Variants in MDGA2 observed in about 807,000 individuals in gnomAD.
MDGA2 encodes the protein MAM domain-containing glycosylphosphatidylinositol anchor protein 2.
Under a neutral mutation model 117.8 loss-of-function variants are expected in MDGA2, and 40 were observed. The ratio of observed to expected loss-of-function variants is 0.34; its 90% confidence interval spans 0.26 to 0.44. The LOEUF is 0.44. Among genes scored for constraint, MDGA2 ranks in the 20% least tolerant of loss-of-function variants. The pLI is 1.00. For missense variants in MDGA2, 1,123 were observed against 1,250.6 expected (o/e 0.90, Z 1.54); for synonymous variants, 452 against 439.0 (o/e 1.03, Z -0.37).
At chr14:46,974,562 A>G (rs1886384108) in intron 8 of MDGA2, among the ~76,000 whole-genome samples, 1 of 152,172 alleles carries the variant, frequency 6.6e-6, no homozygotes, top group Admixed American at 6.6e-5. Context: ...GAGAACCCAG[A>G]AGTACCCCTT....
rs549658111 is a variant in MDGA2, at chr14:47,444,866, G to C, written c.281-143316C>G. ...AAACCTTACTTTTCTCAAGTTTAAA[G>C]GGAGGAGTTGTACATTGAAATCTTC... is the stretch of plus-strand genomic sequence containing the variant. On this transcript the variant is annotated intron_variant, in intron 1 of 16. Transcript: ENST00000399232. 2.2e-4 allele frequency among the ~76,000 whole-genome samples: 34 copies of C among 152,242 alleles called. No homozygotes were observed. In the South Asian group the frequency reaches 6.4e-3, roughly 29 times the overall value.
intron 14 of MDGA2, among the ~76,000 whole-genome samples, chr14:46,866,187 A>G (rs1881751438): frequency 1.3e-5 from 2 of 152,110 alleles, no homozygotes; most frequent in South Asian, 4.1e-4. Flanking sequence ...CTGGTACCAA[A>G]ACAGAGATAT....
intron 3 of MDGA2, among the ~76,000 whole-genome samples, chr14:47,171,567 G>C (rs928131431): frequency 2.0e-5 from 3 of 152,278 alleles, no homozygotes; most frequent in Middle Eastern, 3.4e-3. Flanking sequence ...TCAAAGGGAA[G>C]TAGTTTCTTT....
intron 1 of MDGA2, among the ~76,000 whole-genome samples, chr14:47,416,555 C>T (rs542059323): frequency 6.6e-5 from 10 of 152,178 alleles, no homozygotes; most frequent in African/African-American, 2.4e-4. Flanking sequence ...AAAGTGCCCA[C>T]ATCCCCATGA....
chr14:46,982,734 A>AAAAAAAAAAAAAAAAAAAAAAAAAAAAT (rs1449356596), intron 8 of MDGA2, among the ~76,000 whole-genome samples: 1 of 130,406 alleles, frequency 7.7e-6, no homozygotes, highest in Non-Finnish European at 1.7e-5. Flanking sequence ...AAAAAAAAAA[A>AAAAAAAAAAAAAAAAAAAAAAAAAAAAT]AATCATGTCA....
intron 2 of MDGA2, among the ~76,000 whole-genome samples, chr14:47,278,449 T>G (rs1292410310): frequency 6.6e-6 from 1 of 152,040 alleles, no homozygotes; most frequent in African/African-American, 2.4e-5. Context: ...AGGTCCTCTG[T>G]GTTTTCAGCG....
Position 47,674,649 on chromosome 14 carries a change from C to G in MDGA2, c.148G>C (p.Gly50Arg), listed in dbSNP as rs78711719. Residue 50 changes from glycine (G) to arginine (R), a missense_variant, in exon 1 of 17, where the codon GGC becomes CGC. Transcript: ENST00000399232. ...ARVERAWLAA[G>R]LLKVPLRTPW... Reference sequence around the variant, plus strand: ...GTACGCAACGGGACCTTCAGGAGGCCGGCGGCCAGCCAGGCGCGCTCCACT... The same window carrying G: ...GTACGCAACGGGACCTTCAGGAGGCGGGCGGCCAGCCAGGCGCGCTCCACT... 1 of 1,488,890 alleles carries G rather than the reference C, an allele frequency of 6.7e-7. No individual in the cohort carries two copies. The allele number at this position is 1,488,890 out of a possible 1,614,324, so 92.2% of individuals were successfully genotyped here.
chr14:46,974,917 C>A (rs1406690373), intron 8 of MDGA2, among the ~76,000 whole-genome samples: 1 of 151,202 alleles, frequency 6.6e-6, no homozygotes, highest in Non-Finnish European at 1.5e-5. Context: ...AAAAATGTAA[C>A]CCACAGAATG....
intron 8 of MDGA2, among the ~76,000 whole-genome samples, chr14:47,022,393 T>A (rs753625003): frequency 6.6e-6 from 1 of 152,168 alleles, no homozygotes; most frequent in African/African-American, 2.4e-5. Flanking sequence ...TAAATAAACA[T>A]TGAAAATGAA....
chr14:47,542,573 C>T (rs1326034355), intron 1 of MDGA2, among the ~76,000 whole-genome samples: 1 of 152,102 alleles, frequency 6.6e-6, no homozygotes, highest in Non-Finnish European at 1.5e-5. Context: ...CTGGTAAATT[C>T]AGAGTCAAGA....
chr14:47,613,773 T>C (rs1010697216), intron 1 of MDGA2, among the ~76,000 whole-genome samples: 3 of 152,168 alleles, frequency 2.0e-5, no homozygotes, highest in Non-Finnish European at 4.4e-5. Flanking sequence ...TTTCATGTGG[T>C]TAACTTTTCA....
intron 1 of MDGA2, among the ~76,000 whole-genome samples, chr14:47,594,441 T>C (rs901577648): frequency 6.6e-6 from 1 of 152,214 alleles, no homozygotes; most frequent in Non-Finnish European, 1.5e-5. Flanking sequence ...CAAAGCTTCA[T>C]GTACAGATTT....
intron 1 of MDGA2, among the ~76,000 whole-genome samples, chr14:47,421,697 C>CA (rs1566448172): frequency 6.6e-6 from 1 of 151,968 alleles, no homozygotes; most frequent in East Asian, 1.9e-4. Flanking sequence ...TGTGAGGAAA[C>CA]AAAATCAAAT....
At chr14:47,060,079 T>G (rs1889827653) in intron 7 of MDGA2, among the ~76,000 whole-genome samples, 1 of 152,074 alleles carries the variant, frequency 6.6e-6, no homozygotes, top group Admixed American at 6.6e-5. Flanking sequence ...AACGTTTAAA[T>G]ATGTTAGAAT....
intron 1 of MDGA2, among the ~76,000 whole-genome samples, chr14:47,317,590 A>G (rs999797796): frequency 6.6e-6 from 1 of 152,072 alleles, no homozygotes; most frequent in Non-Finnish European, 1.5e-5. Flanking sequence ...GCTAGTCAAC[A>G]CTAAATAAGC....
chr14:46,887,397 TG>T (rs1298696197), intron 10 of MDGA2, among the ~76,000 whole-genome samples: 2 of 151,996 alleles, frequency 1.3e-5, no homozygotes, highest in African/African-American at 4.8e-5. Flanking sequence ...CTTCCTCCTT[TG>T]TTTTCCCTGA....
chr14:47,666,002 T>C (rs1897950552), intron 1 of MDGA2, among the ~76,000 whole-genome samples: 1 of 151,864 alleles, frequency 6.6e-6, no homozygotes, highest in Admixed American at 6.6e-5. Flanking sequence ...CGAGATCCAC[T>C]GGGTGAAGCC....
intron 1 of MDGA2, among the ~76,000 whole-genome samples, chr14:47,612,557 A>C (rs1010377989): frequency 4.6e-5 from 7 of 152,174 alleles, no homozygotes; most frequent in Non-Finnish European, 1.0e-4. Context: ...TTAGTATTCC[A>C]AGGTGATCTG....
At chr14:46,858,322 T>A (rs1387263050) in intron 14 of MDGA2, among the ~76,000 whole-genome samples, 1 of 151,730 alleles carries the variant, frequency 6.6e-6, no homozygotes, top group Non-Finnish European at 1.5e-5. Flanking sequence ...TGAACTTCTT[T>A]ATCCATTCAC....
Sources: allele counts gnomAD v4.1 joint callset (sites outside exome capture counted in the v4.1 genomes callset), GRCh38; gene constraint gnomAD v4.1.1; transcripts MANE v1.5; gene names NCBI Gene and HGNC (gene_info 2026-07-23, HGNC 2026-07-21).